The following FGF13 variants were observed in gnomAD, a reference collection of about 807,000 sequenced individuals.
FGF13 encodes the protein fibroblast growth factor homologous factor 2.
In FGF13, 2 loss-of-function variants were observed where a neutral mutation model predicts 19.5. The observed-to-expected ratio is 0.10, with a 90% confidence interval of 0.04 to 0.32. The LOEUF (loss-of-function observed/expected upper bound fraction) is 0.32. Among genes scored for constraint, FGF13 ranks in the 10% least tolerant of loss-of-function variants. The probability of loss-of-function intolerance (pLI) is 1.00; values close to 1 mark genes in which losing one functional copy is unlikely to be tolerated. For synonymous variants in FGF13, 72 were observed against 76.9 expected (o/e 0.94, Z 0.33); for missense variants, 113 against 192.7 (o/e 0.59, Z 2.45).
chrX:138,968,283 C>G (rs1422415560), intron 1 of FGF13, among the ~76,000 whole-genome samples: 2 of 111,996 alleles, frequency 1.8e-5, no homozygotes, highest in Non-Finnish European at 3.8e-5. Context: ...TCATTTCTCC[C>G]ATACTTTTAA....
chrX:138,944,803 A>T (rs1038023314), intron 1 of FGF13, among the ~76,000 whole-genome samples: 14 of 111,531 alleles, frequency 1.3e-4, no homozygotes, highest in Non-Finnish European at 1.9e-5. Flanking sequence ...ATATGACTAG[A>T]TATTAAATTT....
intron 1 of FGF13, among the ~76,000 whole-genome samples, chrX:138,903,672 A>C (rs1163534307): frequency 8.9e-6 from 1 of 112,046 alleles, no homozygotes; most frequent in Non-Finnish European, 1.9e-5. Context: ...CTCTATGCCC[A>C]TCTTAGTTCT....
At position 138,624,859 on chromosome X, in the gene FGF13, C is replaced by T. The variant is rs1241108737; in HGVS notation, c.*7991G>A. The T allele has an allele frequency of 2.7e-5, 3 of 111,479 alleles. No homozygotes were observed. Among genetic ancestry groups the T allele is most frequent in the Non-Finnish European group, 5.7e-5 (3 of 53,062 alleles). The allele number at this position is 111,479 out of a possible 1,213,427, so 9.2% of individuals were successfully genotyped here. Reference sequence around the variant, plus strand: ...AAAAATAAAATAAAAAAATTATCTGCCCAGCAAAGGAAATAATCGACAAAA... The same window carrying T: ...AAAAATAAAATAAAAAAATTATCTGTCCAGCAAAGGAAATAATCGACAAAA... On this transcript the variant is annotated 3_prime_UTR_variant, in exon 5 of 5. Coordinates refer to ENST00000315930, the MANE Select transcript of FGF13 (RefSeq NM_004114.5).
At chrX:138,950,018 C>T (rs1171120583) in intron 1 of FGF13, among the ~76,000 whole-genome samples, 1 of 111,926 alleles carries the variant, frequency 8.9e-6, no homozygotes, top group African/African-American at 3.2e-5. Context: ...TCTCCCTCCC[C>T]ATCCCCTACA....
chrX:138,650,296 T>C (rs752294731), intron 3 of FGF13, among the ~76,000 whole-genome samples: 2 of 112,243 alleles, frequency 1.8e-5, no homozygotes, highest in South Asian at 7.3e-4. Context: ...AAGTATTCTA[T>C]TATCATTAGA....
At chrX:138,835,461 C>T (rs1241917648) in intron 3 of FGF13, among the ~76,000 whole-genome samples, 1 of 111,684 alleles carries the variant, frequency 9.0e-6, no homozygotes, top group Non-Finnish European at 1.9e-5. Context: ...TCTGTTTTGT[C>T]AGAAACTAGG....
chrX:138,804,956 A>G (rs890081082), intron 3 of FGF13, among the ~76,000 whole-genome samples: 7 of 112,127 alleles, frequency 6.2e-5, no homozygotes, highest in Non-Finnish European at 7.5e-5. Flanking sequence ...TTGAAATATC[A>G]GATTGATCAT....
chrX:138,724,873 G>A (rs2090173560), intron 1 of FGF13, among the ~76,000 whole-genome samples: 1 of 111,848 alleles, frequency 8.9e-6, no homozygotes, highest in African/African-American at 3.2e-5. Flanking sequence ...TGATAATAAT[G>A]TACCAGTGTT....
At chrX:138,634,295 C>T (rs1355739036) in intron 4 of FGF13, among the ~76,000 whole-genome samples, 3 of 111,860 alleles carry the variant, frequency 2.7e-5, no homozygotes, top group Non-Finnish European at 3.8e-5. Flanking sequence ...CCCAGGTTCA[C>T]GCCATTCTCC....
intron 3 of FGF13, among the ~76,000 whole-genome samples, chrX:138,800,420 G>A (rs765724781): frequency 3.6e-5 from 4 of 111,927 alleles, no homozygotes; most frequent in Non-Finnish European, 7.5e-5. Context: ...CTTCTGGCTT[G>A]TAGGGTTTCT....
At chrX:139,045,388 T>C (rs2092284083) in intron 1 of FGF13, among the ~76,000 whole-genome samples, 1 of 112,322 alleles carries the variant, frequency 8.9e-6, no homozygotes, top group African/African-American at 3.2e-5. Flanking sequence ...CTTTTCCCCA[T>C]TGCCTTGGAT....
chrX:138,725,156 A>G (rs2090175699), intron 1 of FGF13, among the ~76,000 whole-genome samples: 1 of 111,957 alleles, frequency 8.9e-6, no homozygotes, highest in Admixed American at 9.5e-5. Flanking sequence ...AAACCACCTC[A>G]GAGAACCATC....
intron 3 of FGF13, among the ~76,000 whole-genome samples, chrX:138,804,498 A>G (rs967152340): frequency 8.9e-5 from 10 of 112,004 alleles, no homozygotes; most frequent in African/African-American, 2.6e-4. Context: ...ATGCACTTTT[A>G]ACCATAATTC....
At chrX:138,790,487 T>C (rs1056334027) in intron 3 of FGF13, among the ~76,000 whole-genome samples, 1 of 110,667 alleles carries the variant, frequency 9.0e-6, no homozygotes, top group East Asian at 2.9e-4. Flanking sequence ...TCCACAGTCT[T>C]TTTCCTTTTC....
chrX:138,860,836 G>T (rs948031778), intron 2 of FGF13, among the ~76,000 whole-genome samples: 5 of 112,126 alleles, frequency 4.5e-5, no homozygotes, highest in Admixed American at 1.9e-4. Flanking sequence ...ACAGGCCTTT[G>T]GGGGGAAATT....
Position 139,003,237 on chromosome X carries a change from G to T in FGF13, c.-112-138587C>A, listed in dbSNP as rs190467263. 5.3e-3 allele frequency among the ~76,000 whole-genome samples: 586 copies of T among 110,357 alleles called. 2 individuals are homozygous for T. Among genetic ancestry groups the T allele is most frequent in the Middle Eastern group, 9.2e-3 (2 of 217 alleles). On this transcript the variant is annotated intron_variant, in intron 1 of 2. Coordinates refer to the FGF13 transcript ENST00000421460. Reference sequence around the variant, plus strand: ...AGGAGTGAAGCTGCAGACCTTCGCGGTGAGTGTTACAGCTCTTAAGGCAGC... The same window carrying T: ...AGGAGTGAAGCTGCAGACCTTCGCGTTGAGTGTTACAGCTCTTAAGGCAGC...
intron 3 of FGF13, among the ~76,000 whole-genome samples, chrX:138,661,435 G>A (rs2124151932): frequency 8.9e-6 from 1 of 111,852 alleles, no homozygotes; most frequent in South Asian, 3.7e-4. Flanking sequence ...CTGATGCTAA[G>A]TCCACTTGGT....
chrX:138,662,460 G>C (rs892906375), intron 3 of FGF13, among the ~76,000 whole-genome samples: 1 of 111,485 alleles, frequency 9.0e-6, no homozygotes, highest in Non-Finnish European at 1.9e-5. Flanking sequence ...GAAAAAGTTA[G>C]CTTACTAAAC....
At chrX:138,688,258 C>T (rs1457745621) in intron 3 of FGF13, among the ~76,000 whole-genome samples, 5 of 110,251 alleles carry the variant, frequency 4.5e-5, no homozygotes, top group Admixed American at 9.7e-5. Context: ...CCACCTCGCC[C>T]GGCCCCAAAA....
Sources: allele counts gnomAD v4.1 joint callset (sites outside exome capture counted in the v4.1 genomes callset), GRCh38; gene constraint gnomAD v4.1.1; transcripts MANE v1.5; gene names NCBI Gene and HGNC (gene_info 2026-07-23, HGNC 2026-07-21).